The following SIN3B variants were observed in gnomAD, a reference collection of about 807,000 sequenced individuals.
SIN3B encodes paired amphipathic helix protein Sin3b.
A neutral mutation model predicts 120.2 loss-of-function variants in SIN3B; 19 were observed. That is an observed-to-expected ratio of 0.16 (90% CI 0.11 to 0.23). The LOEUF (loss-of-function observed/expected upper bound fraction) is 0.23, where lower values mean the gene tolerates loss of function less well. SIN3B is among the 10% of genes least tolerant of loss of function. SIN3B has a pLI of 1.00. For synonymous variants in SIN3B, 654 were observed against 653.2 expected (o/e 1.00, Z -0.02); for missense variants, 1,073 against 1,573.0 (o/e 0.68, Z 5.38).
chr19:16,840,606 C>A (rs1971405235), intron 3 of SIN3B, among the ~76,000 whole-genome samples: 1 of 152,208 alleles, frequency 6.6e-6, no homozygotes, highest in Non-Finnish European at 1.5e-5. Context: ...GTGTGCCTGG[C>A]CTTGCCTGTT....
chr19:16,854,478 G>T, intron 8 of SIN3B: 1 of 521,032 alleles, frequency 1.9e-6, no homozygotes, highest in East Asian at 3.5e-5. Flanking sequence ...AGTAACATCT[G>T]TAGTCAGTAT....
chr19:16,873,452 C>T (rs544184083), intron 14 of SIN3B, among the ~76,000 whole-genome samples: 68 of 152,080 alleles, frequency 4.5e-4, no homozygotes, highest in Non-Finnish European at 8.7e-4. Flanking sequence ...GGAGAGAGGA[C>T]ACCCAGGGCC....
At chr19:16,847,326 G>A (rs1314089219) in intron 5 of SIN3B, among the ~76,000 whole-genome samples, 3 of 152,246 alleles carry the variant, frequency 2.0e-5, no homozygotes, top group Non-Finnish European at 4.4e-5. Context: ...GTGCTTCTCT[G>A]TACAGACAGT....
chr19:16,856,213 C>T (rs1463655906), intron 8 of SIN3B, among the ~76,000 whole-genome samples: 4 of 152,234 alleles, frequency 2.6e-5, no homozygotes, highest in East Asian at 1.9e-4. Context: ...TGCGCACACT[C>T]GTATCCATTC....
intron 13 of SIN3B, 93 bp from the exon 14 acceptor site, chr19:16,871,136 G>A (rs2051504738): frequency 2.6e-6 from 4 of 1,511,978 alleles, no homozygotes; most frequent in Non-Finnish European, 3.7e-6. Context: ...GGCCCCATGG[G>A]GGCATTTGTT....
At chr19:16,873,370 A>G (rs2051537570) in intron 14 of SIN3B, among the ~76,000 whole-genome samples, 2 of 152,018 alleles carry the variant, frequency 1.3e-5, no homozygotes, top group African/African-American at 4.8e-5. Flanking sequence ...TGTGCCCGAA[A>G]TGGGTCCCTG....
rs953722686 is a variant in SIN3B at position 16,876,317 on chromosome 19, C to T, written c.2766+89C>T. On this transcript the variant is annotated intron_variant, in intron 15 of 18. Transcript: ENST00000248054. This position sits in a 1 kb window ranked among gnomAD's most constrained non-coding sequence, Gnocchi z 7.1. ...CAGTCCTGGGTGGACCCTGGTTCAG[C>T]GGCTGGGACACCGGCCCTGCTGCAG... 5 of 1,472,264 alleles carry T rather than the reference C, an allele frequency of 3.4e-6. No individual in the cohort carries two copies. Among genetic ancestry groups the T allele is most frequent in the African/African-American group, 1.4e-5 (1 of 72,138 alleles). The allele number at this position is 1,472,264 out of a possible 1,614,324, so 91.2% of individuals were successfully genotyped here. A position where few individuals can be genotyped will look rare whatever the true frequency, so the allele number is the denominator to read the frequency against.
chr19:16,849,164 T>C lies in SIN3B; in HGVS notation c.726+2051T>C, dbSNP rs150445448. ...ATCTTTATGTTAACTTTTGGACATA[T>C]ATTAAAACTGTAGGAAAAAGAAACC... On this transcript the variant is annotated intron_variant, in intron 5 of 18. Coordinates refer to ENST00000248054, the MANE Select transcript of SIN3B (RefSeq NM_001297595.2). 3.7e-3 allele frequency among the ~76,000 whole-genome samples: 564 copies of C among 152,372 alleles called. 7 individuals are homozygous for C. Among genetic ancestry groups the C allele is most frequent in the African/African-American group, 0.012 (517 of 41,594 alleles).
intron 4 of SIN3B, among the ~76,000 whole-genome samples, chr19:16,843,078 T>G (rs956346350): frequency 4.6e-5 from 7 of 152,226 alleles, no homozygotes; most frequent in Admixed American, 2.0e-4. Context: ...CGCTTGGAAT[T>G]TTTTTTAGCA....
Position 16,829,696 on chromosome 19 carries a change from G to A in SIN3B, c.121-95G>A, listed in dbSNP as rs562969240. ...CCCTCACCTCTCACCTCGGCCCTCC[G>A]AAAGCCCAGCCCATCCCCTTCCCCT... On this transcript the variant is annotated intron_variant, in intron 1 of 18. Coordinates refer to ENST00000248054, the MANE Select transcript of SIN3B (RefSeq NM_001297595.2). 6 of 1,047,060 alleles carry A rather than the reference G, an allele frequency of 5.7e-6. No individual in the cohort carries two copies. The African/African-American group carries it at 1.1e-4, about 20-fold the overall frequency. 64.9% of individuals were successfully genotyped at this position (1,047,060 alleles called of 1,614,324 possible). A position where few individuals can be genotyped will look rare whatever the true frequency, so the allele number is the denominator to read the frequency against.
chr19:16,871,790 A>C (rs1033163067), intron 14 of SIN3B, among the ~76,000 whole-genome samples: 8 of 150,986 alleles, frequency 5.3e-5, no homozygotes, highest in Non-Finnish European at 8.9e-5. Flanking sequence ...GTGGGTAGCT[A>C]CGTTTTGTTT....
intron 14 of SIN3B, among the ~76,000 whole-genome samples, chr19:16,872,089 G>A (rs559468882): frequency 6.6e-5 from 10 of 152,232 alleles, no homozygotes; most frequent in African/African-American, 2.4e-4. Context: ...GACGAGCTGG[G>A]TGTGGTTCCA....
rs542915643 is a variant in SIN3B, at chr19:16,868,436, G to A, written c.1807-1024G>A. ...TCTGCCTCCCTGCCTTGGACTGAGG[G>A]GGTTGGGGCTGCCCAGCAGAGGCCC... On this transcript the variant is annotated intron_variant, in intron 12 of 18. Transcript: ENST00000248054. Among the ~76,000 whole-genome samples the A allele has an allele frequency of 1.2e-4, 18 of 152,358 alleles. No homozygotes were observed. The East Asian group carries it at 3.5e-3, about 29-fold the overall frequency.
chr19:16,876,645 C>A lies in SIN3B; in HGVS notation c.2859+67C>A. 2 of 1,302,896 alleles carry A rather than the reference C, an allele frequency of 1.5e-6. No homozygotes were observed. Among genetic ancestry groups the A allele is most frequent in the Non-Finnish European group, 2.2e-6 (2 of 911,810 alleles). 80.7% of individuals were successfully genotyped at this position (1,302,896 alleles called of 1,614,324 possible). A position where few individuals can be genotyped will look rare whatever the true frequency, so the allele number is the denominator to read the frequency against. ...CGCCTGAGGGCAGCAGCATGGGGCTCCCACCAGCCAAGCGCAGGCCGCGCA... is the reference window on the plus strand; with the variant it reads ...CGCCTGAGGGCAGCAGCATGGGGCTACCACCAGCCAAGCGCAGGCCGCGCA... On this transcript the variant is annotated intron_variant, in intron 16 of 18. Transcript: ENST00000248054. The surrounding 1 kb of genome is among the most constrained non-coding windows in gnomAD (Gnocchi z 7.1).
intron 10 of SIN3B, among the ~76,000 whole-genome samples, chr19:16,864,412 T>C (rs1971732099): frequency 6.6e-6 from 1 of 152,070 alleles, no homozygotes; most frequent in Non-Finnish European, 1.5e-5. Flanking sequence ...CGCTGCAGCC[T>C]TGACCTCCCA....
chr19:16,856,805 C>T (rs1971622198), intron 8 of SIN3B, among the ~76,000 whole-genome samples: 1 of 152,168 alleles, frequency 6.6e-6, no homozygotes, highest in African/African-American at 2.4e-5. Context: ...CTCCTGACCT[C>T]AAGCAGTCTG....
Position 16,847,015 on chromosome 19 carries a change from G to A in SIN3B, c.628G>A (p.Glu210Lys). 6.2e-7 allele frequency: 1 copy of A among 1,614,216 alleles called. No individual in the cohort carries two copies. The highest frequency in any genetic ancestry group is 8.5e-7 in the Non-Finnish European group (1 of 1,180,024). The change falls in exon 5 of 19, where the codon GAA (glutamate) becomes AAA (lysine). Residue 210 changes from glutamate (E) to lysine (K), a missense_variant. Coordinates refer to ENST00000248054, the MANE Select transcript of SIN3B (RefSeq NM_001297595.2). ...TRGRPFRGMS[E>K]EEVFTEVANL... Reference sequence around the variant, plus strand: ...GGGCCGGCCATTCCGAGGCATGTCTGAAGAGGAGGTGTTCACCGAGGTGGC... The same window carrying A: ...GGGCCGGCCATTCCGAGGCATGTCTAAAGAGGAGGTGTTCACCGAGGTGGC...
chr19:16,856,634 C>T lies in SIN3B; in HGVS notation c.1058+2373C>T, dbSNP rs138758375. 4.5e-3 allele frequency among the ~76,000 whole-genome samples: 680 copies of T among 151,708 alleles called. 4 individuals carry two copies. The highest frequency in any genetic ancestry group is 0.014 in the African/African-American group (598 of 41,406). On this transcript the variant is annotated intron_variant, in intron 8 of 18. Transcript: ENST00000248054. The stretch of plus-strand genomic sequence containing the variant: ...TTGCCCAGGCTGGAGTGCAGTGGCG[C>T]GATCTTGGCTCACTGCAACCTCCAC...
chr19:16,877,682 GC>G, intron 17 of SIN3B, 43 bp downstream of exon 17: 1 of 1,391,962 alleles, frequency 7.2e-7, no homozygotes, highest in Non-Finnish European at 1.0e-6. Flanking sequence ...TCCTTCCTGG[GC>G]CCAGGGAGTG....
Sources: allele counts gnomAD v4.1 joint callset (sites outside exome capture counted in the v4.1 genomes callset), GRCh38; gene constraint gnomAD v4.1.1; non-coding constraint Gnocchi (gnomAD v3.1); transcripts MANE v1.5; gene names NCBI Gene and HGNC (gene_info 2026-07-23, HGNC 2026-07-21).